FAM13A: variants seen among roughly 807,000 people sequenced by gnomAD.
The protein encoded by FAM13A is family with sequence similarity 13 member A, also known as protein FAM13A.
Under a neutral mutation model 129.6 loss-of-function variants are expected in FAM13A, and 76 were observed. That is an observed-to-expected ratio of 0.59 (90% CI 0.49 to 0.71). FAM13A has a LOEUF of 0.71. Among genes scored for constraint, FAM13A ranks in the 30% least tolerant of loss-of-function variants. FAM13A has a pLI of 0.00. For missense variants in FAM13A, 1,108 were observed against 1,249.3 expected (o/e 0.89, Z 1.70); for synonymous variants, 443 against 449.9 (o/e 0.98, Z 0.20).
chr4:88,828,364 C>T (rs1316455477), intron 7 of FAM13A, among the ~76,000 whole-genome samples: 2 of 152,106 alleles, frequency 1.3e-5, no homozygotes, highest in Non-Finnish European at 2.9e-5. Context: ...TCTTGAACTC[C>T]TGGGCTCAAG....
intron 5 of FAM13A, among the ~76,000 whole-genome samples, chr4:88,917,125 C>T (rs1054709523): frequency 6.6e-6 from 1 of 151,988 alleles, no homozygotes; most frequent in Non-Finnish European, 1.5e-5. Context: ...TTTTGTGTTG[C>T]TATAAAGGAA....
chr4:88,774,712 T>C (rs565960842), intron 11 of FAM13A, among the ~76,000 whole-genome samples: 17 of 152,322 alleles, frequency 1.1e-4, no homozygotes, highest in South Asian at 4.1e-4. Flanking sequence ...GCCTCAACTA[T>C]GTAATGGCAA....
At chr4:88,825,328 G>A (rs1377824729) in intron 7 of FAM13A, among the ~76,000 whole-genome samples, 1 of 151,548 alleles carries the variant, frequency 6.6e-6, no homozygotes, top group Non-Finnish European at 1.5e-5. Context: ...TGATTCTCCT[G>A]TCTTAGCCTC....
chr4:88,904,303 A>C lies in FAM13A; in HGVS notation c.843+2076T>G, dbSNP rs539475753. Among the ~76,000 whole-genome samples, 22 of 152,328 alleles carry C rather than the reference A, an allele frequency of 1.4e-4. No homozygotes were observed. In the East Asian group the frequency reaches 3.7e-3, roughly 25 times the overall value. ...AAAGAATATAAATCATTCTATTATA[A>C]CAATACATGCACATGTATGTTCACT... On this transcript the variant is annotated intron_variant, in intron 6 of 23. Coordinates refer to ENST00000264344, the MANE Select transcript of FAM13A (RefSeq NM_014883.4).
chr4:88,951,058 G>C (rs1275150267), intron 4 of FAM13A, among the ~76,000 whole-genome samples: 2 of 152,196 alleles, frequency 1.3e-5, no homozygotes, highest in Admixed American at 1.3e-4. Context: ...TGTAGGCTGG[G>C]AGGAGCAATG....
intron 6 of FAM13A, among the ~76,000 whole-genome samples, chr4:88,884,789 T>G (rs889367714): frequency 2.0e-5 from 3 of 152,156 alleles, no homozygotes; most frequent in African/African-American, 7.2e-5. Context: ...GATAAATGAA[T>G]TCAGCAAAGT....
intron 10 of FAM13A, among the ~76,000 whole-genome samples, chr4:88,783,326 G>A (rs575389742): frequency 1.2e-4 from 18 of 151,828 alleles, no homozygotes; most frequent in African/African-American, 3.6e-4. Context: ...TTGAGACAGA[G>A]TCTTGCTCTG....
chr4:88,938,787 A>G (rs1754254358), intron 4 of FAM13A, among the ~76,000 whole-genome samples: 1 of 152,198 alleles, frequency 6.6e-6, no homozygotes, highest in Admixed American at 6.5e-5. Context: ...AAAATAGTTG[A>G]AAATATATCT....
intron 5 of FAM13A, among the ~76,000 whole-genome samples, chr4:88,910,949 C>A (rs1749008823): frequency 6.6e-6 from 1 of 152,164 alleles, no homozygotes; most frequent in Admixed American, 6.5e-5. Context: ...CGCCCAGCTG[C>A]TTTTAATTCT....
chr4:89,051,490 C>A (rs1331002467), intron 1 of FAM13A, among the ~76,000 whole-genome samples: 2 of 152,136 alleles, frequency 1.3e-5, no homozygotes, highest in African/African-American at 4.8e-5. Context: ...TCTGTTCCTC[C>A]AAAATTCGTA....
chr4:88,864,733 C>T (rs955249571), intron 6 of FAM13A, among the ~76,000 whole-genome samples: 2 of 152,160 alleles, frequency 1.3e-5, no homozygotes, highest in Non-Finnish European at 2.9e-5. Flanking sequence ...AAAGGAGTTA[C>T]CTATGTTTTT....
rs57674045 is a variant in FAM13A, at chr4:88,972,299, CTTTTT to C, written c.605+18669_605+18673del. On this transcript the variant is annotated intron_variant, in intron 4 of 23. Transcript: ENST00000264344. ...TGAAAAAGTTTCTGCTTCTCCTTCA[CTTTTT>C]TTTTTTTTTTTTTTTGAGACAGAGT... Among the ~76,000 whole-genome samples the C allele has an allele frequency of 1.5e-3, 200 of 137,648 alleles. 2 individuals carry two copies. The highest frequency in any genetic ancestry group is 2.8e-4 in the Non-Finnish European group (18 of 64,328). 90.3% of individuals were successfully genotyped at this position (137,648 alleles called of 152,430 possible). A position where few individuals can be genotyped will look rare whatever the true frequency, so the allele number is the denominator to read the frequency against.
intron 11 of FAM13A, among the ~76,000 whole-genome samples, chr4:88,773,176 T>G (rs1469102192): frequency 3.3e-5 from 5 of 152,196 alleles, no homozygotes; most frequent in African/African-American, 1.2e-4. Flanking sequence ...TTCTCTTGCA[T>G]CGTCATCTTC....
intron 4 of FAM13A, among the ~76,000 whole-genome samples, chr4:88,976,365 C>T (rs1017342301): frequency 2.0e-5 from 3 of 152,148 alleles, no homozygotes; most frequent in East Asian, 1.9e-4. Context: ...TCATCAGCAA[C>T]GTTCAACAAC....
chr4:88,952,832 CA>C (rs900810906), intron 4 of FAM13A, among the ~76,000 whole-genome samples: 8 of 151,980 alleles, frequency 5.3e-5, no homozygotes, highest in African/African-American at 1.9e-4. Flanking sequence ...TCTGTAATCC[CA>C]GCTACTCAGG....
intron 5 of FAM13A, among the ~76,000 whole-genome samples, chr4:88,921,933 A>C (rs1751168354): frequency 6.6e-6 from 1 of 152,056 alleles, no homozygotes; most frequent in Non-Finnish European, 1.5e-5. Flanking sequence ...TTAAACCAAC[A>C]AAGATCAAAA....
At chr4:88,880,611 A>T (rs1265420207) in intron 6 of FAM13A, among the ~76,000 whole-genome samples, 2 of 152,160 alleles carry the variant, frequency 1.3e-5, no homozygotes, top group Admixed American at 1.3e-4. Flanking sequence ...GGGGCATTGG[A>T]ATCAGGAGTG....
intron 3 of FAM13A, among the ~76,000 whole-genome samples, chr4:88,998,231 T>G (rs1381474776): frequency 4.6e-5 from 7 of 152,198 alleles, no homozygotes; most frequent in Non-Finnish European, 8.8e-5. Context: ...TGCAATGCAT[T>G]AAGTCACTAA....
At chr4:88,747,564 A>G (rs1578469214) in intron 18 of FAM13A, 67 bp downstream of exon 18, 2 of 1,298,142 alleles carry the variant, frequency 1.5e-6, no homozygotes, top group Non-Finnish European at 2.2e-6. Context: ...TTCACGTGGC[A>G]TGCCCTGTGT....
Sources: allele counts gnomAD v4.1 joint callset (sites outside exome capture counted in the v4.1 genomes callset), GRCh38; gene constraint gnomAD v4.1.1; transcripts MANE v1.5; gene names NCBI Gene and HGNC (gene_info 2026-07-23, HGNC 2026-07-21).